DHX35: variants seen among roughly 807,000 people sequenced by gnomAD.
DHX35 encodes the protein probable ATP-dependent RNA helicase DHX35.
In DHX35, 84 loss-of-function variants were observed where a neutral mutation model predicts 99.6. The ratio of observed to expected loss-of-function variants is 0.84; its 90% CI spans 0.71 to 1.01. The LOEUF is 1.01. Ranked by LOEUF, DHX35 falls within the 50% of genes least tolerant of loss-of-function variation. DHX35 has a pLI of 0.00. For missense variants in DHX35, 852 were observed against 888.5 expected, an observed-to-expected ratio of 0.96 and a Z score of 0.52; for synonymous variants, 331 against 316.2, an observed-to-expected ratio of 1.05 and a Z score of -0.50.
intron 6 of DHX35, 149 bp from the exon 7 acceptor site, chr20:38,992,207 G>C (rs1239465840): frequency 5.1e-6 from 3 of 590,540 alleles, no homozygotes; most frequent in African/African-American, 1.8e-5. Flanking sequence ...CCTAAGAATT[G>C]CCTCATTGTC....
At chr20:39,015,049 C>A in intron 14 of DHX35, 115 bp downstream of exon 14, 1 of 1,177,658 alleles carries the variant, frequency 8.5e-7, no homozygotes, top group Non-Finnish European at 1.3e-6. Context: ...TGGTTCTCCC[C>A]ATATATATAA....
chr20:38,991,385 A>G (rs1399035166), intron 5 of DHX35, 69 bp from the exon 6 acceptor site: 1 of 1,429,768 alleles, frequency 7.0e-7, no homozygotes, highest in Non-Finnish European at 9.6e-7. Context: ...TTGCACTTGA[A>G]CTTAAAAAAT....
chr20:38,978,634 G>T (rs1244659102), intron 3 of DHX35, among the ~76,000 whole-genome samples: 1 of 152,158 alleles, frequency 6.6e-6, no homozygotes, highest in Non-Finnish European at 1.5e-5. Context: ...CTCCCATTCT[G>T]TAGGTTTTCT....
At chr20:39,012,876 A>G (rs1196721716) in intron 13 of DHX35, among the ~76,000 whole-genome samples, 2 of 152,196 alleles carry the variant, frequency 1.3e-5, no homozygotes, top group African/African-American at 4.8e-5. Context: ...AAATGGTGAA[A>G]TCGAAAACTG....
rs1223419755 is a variant in DHX35, at chr20:39,034,239, G to A, written c.1989G>A (p.Lys663=). The change falls in exon 21 of 22, where the codon AAG becomes AAA. Residue 663 remains lysine, a synonymous_variant. Transcript: ENST00000252011. The part of the protein sequence containing the change: ...VIYNEVIQTS[K]YYMRDVTAIE... ...ATAACGAAGTTATACAGACCTCCAA[G>A]TACTACATGAGAGATGTGACTGCCA... 4 of 1,614,170 alleles carry A rather than the reference G, an allele frequency of 2.5e-6. No homozygotes were observed. Among genetic ancestry groups the A allele is most frequent in the Non-Finnish European group, 1.7e-6 (2 of 1,180,024 alleles).
At chr20:39,004,347 C>G (rs144220653) in intron 11 of DHX35, among the ~76,000 whole-genome samples, 243 of 152,288 alleles carry the variant, frequency 1.6e-3, no homozygotes, top group East Asian at 9.3e-3. Flanking sequence ...TTACAGGCGT[C>G]AGCCACCGTG....
At chr20:38,981,796 T>C (rs937668175) in intron 3 of DHX35, among the ~76,000 whole-genome samples, 19 of 152,020 alleles carry the variant, frequency 1.2e-4, no homozygotes, top group African/African-American at 4.1e-4. Context: ...TACAAAAAAT[T>C]AGCCGGGCAT....
At chr20:38,996,717 A>G (rs777986390) in intron 8 of DHX35, among the ~76,000 whole-genome samples, 1 of 152,162 alleles carries the variant, frequency 6.6e-6, no homozygotes, top group Non-Finnish European at 1.5e-5. Context: ...GCGAAGGTAA[A>G]TGTCCAACGT....
chr20:39,013,057 T>G (rs1389408675), intron 13 of DHX35, among the ~76,000 whole-genome samples: 1 of 152,180 alleles, frequency 6.6e-6, no homozygotes, highest in Non-Finnish European at 1.5e-5. Context: ...GTGATAATGC[T>G]TATAGCATTT....
intron 12 of DHX35, among the ~76,000 whole-genome samples, chr20:39,008,301 GTTT>G (rs1368680845): frequency 6.6e-6 from 1 of 152,204 alleles, no homozygotes; most frequent in Non-Finnish European, 1.5e-5. Context: ...CATTTGGGCT[GTTT>G]TTGCCTTTTG....
intron 4 of DHX35, among the ~76,000 whole-genome samples, chr20:38,986,857 C>T (rs2086257475): frequency 6.6e-6 from 1 of 152,214 alleles, no homozygotes; most frequent in South Asian, 2.1e-4. Flanking sequence ...TCTATAATTT[C>T]AAGTCACCAG....
chr20:39,015,071 A>T (rs1334445933), intron 14 of DHX35, 137 bp downstream of exon 14: 10 of 990,970 alleles, frequency 1.0e-5, no homozygotes, highest in Admixed American at 7.0e-5. Flanking sequence ...CCCCCTAATG[A>T]TACTTTATTG....
intron 4 of DHX35, among the ~76,000 whole-genome samples, chr20:38,986,441 G>A (rs1362091381): frequency 1.3e-5 from 2 of 151,956 alleles, no homozygotes; most frequent in African/African-American, 4.8e-5. Flanking sequence ...GAATAAACAG[G>A]TTTGGCTTTT....
intron 3 of DHX35, among the ~76,000 whole-genome samples, chr20:38,981,394 G>A (rs4810249): frequency 0.38 from 57,377 of 151,876 alleles, 11,422 homozygotes; most frequent in Middle Eastern, 0.52. Flanking sequence ...TTATTTGCGT[G>A]TATCAATATG....
intron 18 of DHX35, 83 bp from the exon 19 acceptor site, chr20:39,028,335 G>A (rs1255095324): frequency 7.3e-7 from 1 of 1,372,004 alleles, no homozygotes; most frequent in Non-Finnish European, 1.0e-6. Context: ...GGGTGGTGCT[G>A]GGAGTGGATC....
intron 1 of DHX35, among the ~76,000 whole-genome samples, chr20:38,966,940 T>C (rs554667892): frequency 6.6e-6 from 1 of 152,324 alleles, no homozygotes; most frequent in Admixed American, 6.5e-5. Flanking sequence ...GGACAGGCAT[T>C]GTTCCAGGTC....
chr20:39,038,973 T>A lies in DHX35; in HGVS notation c.*430T>A. Reference sequence around the variant, plus strand: ...CTGGGGCCACAGCTGTGTTAACCAATGAGGTCTGCTGCCAGGTGTGAACAA... The same window carrying A: ...CTGGGGCCACAGCTGTGTTAACCAAAGAGGTCTGCTGCCAGGTGTGAACAA... On this transcript the variant is annotated 3_prime_UTR_variant, in exon 22 of 22. Coordinates refer to ENST00000252011, the MANE Select transcript of DHX35 (RefSeq NM_021931.4). 4.7e-6 allele frequency: 1 copy of A among 213,168 alleles called. No individual in the cohort carries two copies. Among genetic ancestry groups the A allele is most frequent in the East Asian group, 1.4e-4 (1 of 7,196 alleles). 13.2% of individuals were successfully genotyped at this position (213,168 alleles called of 1,614,324 possible).
At chr20:38,992,473 C>A in intron 7 of DHX35, 48 bp downstream of exon 7, 1 of 1,575,426 alleles carries the variant, frequency 6.3e-7, no homozygotes, top group Non-Finnish European at 8.7e-7. Flanking sequence ...ATTTTATTGC[C>A]TAATTACAAA....
intron 8 of DHX35, 132 bp downstream of exon 8, chr20:38,995,012 C>T: frequency 1.5e-6 from 1 of 684,378 alleles, no homozygotes; most frequent in Non-Finnish European, 2.5e-6. Context: ...CATCTGATGT[C>T]CTAGATTTCA....
Sources: allele counts gnomAD v4.1 joint callset (sites outside exome capture counted in the v4.1 genomes callset), GRCh38; gene constraint gnomAD v4.1.1; transcripts MANE v1.5; gene names NCBI Gene and HGNC (gene_info 2026-07-23, HGNC 2026-07-21).